Variants in FHIT observed in about 807,000 individuals in gnomAD.
FHIT encodes fragile histidine triad diadenosine triphosphatase.
FHIT carries 19 observed loss-of-function variants against 17.9 expected under a neutral mutation model. That is an observed-to-expected ratio of 1.06 (90% CI 0.74 to 1.56). The LOEUF is 1.56. Among genes scored for constraint, FHIT ranks in the 40% most tolerant of loss-of-function variants. FHIT has a pLI of 0.00. For synonymous variants in FHIT, 81 were observed against 69.7 expected (o/e 1.16, Z -0.81); for missense variants, 248 against 189.2 (o/e 1.31, Z -1.82).
At chr3:60,805,667 T>C (rs1287526713) in intron 4 of FHIT, among the ~76,000 whole-genome samples, 1 of 152,174 alleles carries the variant, frequency 6.6e-6, no homozygotes, top group Non-Finnish European at 1.5e-5. Flanking sequence ...GCCATTCTCC[T>C]GCCTTAGCCT....
intron 5 of FHIT, among the ~76,000 whole-genome samples, chr3:60,285,958 G>C (rs531986836): frequency 6.6e-6 from 1 of 152,120 alleles, no homozygotes; most frequent in Non-Finnish European, 1.5e-5. Flanking sequence ...CACTCCACGT[G>C]ATTTGGCTTC....
chr3:59,864,619 C>T (rs1273311400), intron 8 of FHIT, among the ~76,000 whole-genome samples: 2 of 151,478 alleles, frequency 1.3e-5, no homozygotes, highest in Non-Finnish European at 2.9e-5. Context: ...AGCCCTATAT[C>T]CTGTGGCCCT....
At chr3:60,596,785 T>A (rs1553666671) in intron 4 of FHIT, among the ~76,000 whole-genome samples, 1 of 152,128 alleles carries the variant, frequency 6.6e-6, no homozygotes, top group African/African-American at 2.4e-5. Flanking sequence ...ATACTTTCTA[T>A]CTCATAATAC....
chr3:60,962,498 T>G (rs893660019), intron 3 of FHIT, among the ~76,000 whole-genome samples: 2 of 152,240 alleles, frequency 1.3e-5, no homozygotes, highest in Admixed American at 1.3e-4. Flanking sequence ...AGGGCATCTC[T>G]GTCTTGTGCC....
intron 5 of FHIT, among the ~76,000 whole-genome samples, chr3:60,216,771 G>T (rs1296701152): frequency 1.3e-5 from 2 of 152,092 alleles, no homozygotes; most frequent in African/African-American, 4.8e-5. Context: ...GATTTTTCCA[G>T]ACATGTTCCA....
At chr3:60,444,638 T>A (rs2031186509) in intron 5 of FHIT, among the ~76,000 whole-genome samples, 1 of 151,958 alleles carries the variant, frequency 6.6e-6, no homozygotes, top group South Asian at 2.1e-4. Context: ...AGCTGGGAAT[T>A]GAACAATGAG....
chr3:60,286,631 A>C (rs9822070), intron 5 of FHIT, among the ~76,000 whole-genome samples: 15,834 of 152,212 alleles, frequency 0.1, 953 homozygotes, highest in Non-Finnish European at 0.13. Flanking sequence ...CAAGGAGCTT[A>C]ATCTACTATA....
chr3:60,076,413 A>G (rs1703009220), intron 5 of FHIT, among the ~76,000 whole-genome samples: 1 of 152,062 alleles, frequency 6.6e-6, no homozygotes, highest in African/African-American at 2.4e-5. Flanking sequence ...AATTATTCAT[A>G]TTGTCTTCCT....
In FHIT at chr3:61,123,975, C is replaced by A. The variant is rs144520097; in HGVS notation, c.-164+76642G>T. On this transcript the variant is annotated intron_variant, in intron 2 of 9. Coordinates refer to ENST00000492590, the MANE Select transcript of FHIT (RefSeq NM_002012.4). ...ATCTAGTCTCTTCTTGAGCCATCAG[C>A]CCATTCTTGTCAGGTTCACTATTGG... Among the ~76,000 whole-genome samples the A allele has an allele frequency of 2.5e-3, 382 of 152,122 alleles. 2 individuals are homozygous for A. Among genetic ancestry groups the A allele is most frequent in the African/African-American group, 8.9e-3 (370 of 41,506 alleles).
chr3:61,055,856 G>A (rs1443229255), intron 2 of FHIT, among the ~76,000 whole-genome samples: 1 of 152,090 alleles, frequency 6.6e-6, no homozygotes, highest in Non-Finnish European at 1.5e-5. Context: ...AATTTTTGTG[G>A]ATACATAGTG....
chr3:60,151,371 C>A (rs902732347), intron 5 of FHIT, among the ~76,000 whole-genome samples: 1 of 152,170 alleles, frequency 6.6e-6, no homozygotes, highest in Admixed American at 6.5e-5. Flanking sequence ...CCATTATCAT[C>A]AAGTTGAAAC....
In FHIT at chr3:60,537,258, A is replaced by C. The variant is rs77960805; in HGVS notation, c.-17-279T>G. Among the ~76,000 whole-genome samples the C allele has an allele frequency of 6.3e-4, 96 of 152,210 alleles. 1 individual carries two copies. In the East Asian group the frequency reaches 0.018, roughly 28 times the overall value. ...AGCTTTTCCCCTTCACTCCCTCTGC[A>C]CTTCACGGTGCCACCTTAACTCAAA... On this transcript the variant is annotated intron_variant, in intron 4 of 9. Coordinates refer to ENST00000492590, the MANE Select transcript of FHIT (RefSeq NM_002012.4).
intron 5 of FHIT, among the ~76,000 whole-genome samples, chr3:60,169,810 A>G (rs1461085284): frequency 6.6e-6 from 1 of 152,140 alleles, no homozygotes; most frequent in Non-Finnish European, 1.5e-5. Context: ...ACTTCAACTT[A>G]AGAATGCAAC....
intron 8 of FHIT, among the ~76,000 whole-genome samples, chr3:59,917,813 G>A (rs1445065889): frequency 6.6e-6 from 1 of 152,214 alleles, no homozygotes; most frequent in African/African-American, 2.4e-5. Flanking sequence ...AGATTGGAAA[G>A]AAAGGAAGAG....
intron 4 of FHIT, among the ~76,000 whole-genome samples, chr3:60,656,464 C>T (rs1469306833): frequency 2.0e-5 from 3 of 152,096 alleles, no homozygotes; most frequent in South Asian, 2.1e-4. Flanking sequence ...AGTATGAGGA[C>T]GCCCGCACCC....
At chr3:60,439,336 T>G (rs1316020919) in intron 5 of FHIT, among the ~76,000 whole-genome samples, 1 of 152,102 alleles carries the variant, frequency 6.6e-6, no homozygotes, top group African/African-American at 2.4e-5. Context: ...TAAAGCAACA[T>G]TTGTTGCTCT....
chr3:60,682,442 T>G (rs370213012), intron 4 of FHIT, among the ~76,000 whole-genome samples: 74 of 152,344 alleles, frequency 4.9e-4, no homozygotes, highest in African/African-American at 1.8e-3. Flanking sequence ...AAGCCAATGC[T>G]CATTGACCAT....
chr3:60,905,645 A>G (rs1553764358), intron 3 of FHIT, among the ~76,000 whole-genome samples: 1 of 152,222 alleles, frequency 6.6e-6, no homozygotes, highest in Non-Finnish European at 1.5e-5. Flanking sequence ...TAGAACTACT[A>G]TTCAACTGTA....
At chr3:60,861,810 T>TA (rs1460376058) in intron 3 of FHIT, among the ~76,000 whole-genome samples, 1 of 151,914 alleles carries the variant, frequency 6.6e-6, no homozygotes, top group Non-Finnish European at 1.5e-5. Flanking sequence ...AATCCTTTTT[T>TA]AAAAAAGCTA....
Sources: gnomAD v4.1 joint callset for allele counts (sites outside exome capture counted in the v4.1 genomes callset) on GRCh38, gnomAD v4.1.1 for gene constraint, MANE v1.5 for transcripts, NCBI Gene and HGNC (gene_info 2026-07-23, HGNC 2026-07-21) for gene names.